Variants in JAK1 observed in about 807,000 individuals in gnomAD.
JAK1 encodes Janus kinase 1.
In JAK1, 16 loss-of-function variants were observed where a neutral mutation model predicts 136.6. That is an observed-to-expected ratio of 0.12 (90% CI 0.08 to 0.18). The LOEUF is 0.18. Among genes scored for constraint, JAK1 ranks in the 10% least tolerant of loss-of-function variants. The pLI is 1.00. For missense variants in JAK1, 859 were observed against 1,450.1 expected (o/e 0.59, Z 6.62); for synonymous variants, 492 against 519.5 (o/e 0.95, Z 0.72).
chr1:64,890,534 G>T (rs1419881682), intron 1 of JAK1, among the ~76,000 whole-genome samples: 1 of 152,158 alleles, frequency 6.6e-6, no homozygotes, highest in Non-Finnish European at 1.5e-5. Context: ...ATATCTTTCA[G>T]TGAGAAGTTG....
chr1:64,907,344 C>T (rs1255877572), intron 1 of JAK1, among the ~76,000 whole-genome samples: 1 of 152,166 alleles, frequency 6.6e-6, no homozygotes, highest in Non-Finnish European at 1.5e-5. Flanking sequence ...GAGAGAATAA[C>T]ATTGTTCTAG....
At chr1:65,036,022 T>G (rs1162663473) in intron 2 of JAK1, among the ~76,000 whole-genome samples, 3 of 152,028 alleles carry the variant, frequency 2.0e-5, no homozygotes, top group Non-Finnish European at 4.4e-5. Context: ...GAGCCGAGAT[T>G]GTGCCACTGT....
intron 5 of JAK1, among the ~76,000 whole-genome samples, chr1:64,872,233 T>C (rs1657114033): frequency 6.6e-6 from 1 of 152,172 alleles, no homozygotes; most frequent in South Asian, 2.1e-4. Flanking sequence ...TGCTGGTAAA[T>C]ACCCTACAAT....
chr1:65,057,103 C>T (rs534052924), intron 1 of JAK1, among the ~76,000 whole-genome samples: 1 of 152,226 alleles, frequency 6.6e-6, no homozygotes, highest in East Asian at 1.9e-4. Flanking sequence ...CTCCCAGATA[C>T]AGACATGAGC....
intron 1 of JAK1, among the ~76,000 whole-genome samples, chr1:64,912,127 T>A (rs2100286402): frequency 6.6e-6 from 1 of 152,336 alleles, no homozygotes; most frequent in South Asian, 2.1e-4. Context: ...GGGAGCTTTT[T>A]AAAAATATAT....
chr1:64,946,026 G>A (rs906128081), intron 1 of JAK1, among the ~76,000 whole-genome samples: 2 of 152,010 alleles, frequency 1.3e-5, no homozygotes, highest in South Asian at 2.1e-4. Context: ...CATGAGCCAC[G>A]GCACCCGGCC....
chr1:64,979,499 G>T (rs1186472797), intron 2 of JAK1: 1 of 152,200 alleles, frequency 6.6e-6, no homozygotes, highest in African/African-American at 2.4e-5. Context: ...GTGATACATA[G>T]AAATTATATA....
chr1:64,833,492 A>G lies in JAK1; in HGVS notation c.*1070T>C, dbSNP rs1194912185. 1 of 232,928 alleles carries G rather than the reference A, an allele frequency of 4.3e-6. No homozygotes were observed. The highest frequency in any genetic ancestry group is 2.2e-5 in the African/African-American group (1 of 45,328). 14.4% of individuals were successfully genotyped at this position (232,928 alleles called of 1,614,324 possible). A position where few individuals can be genotyped will look rare whatever the true frequency, so the allele number is the denominator to read the frequency against. On this transcript the variant is annotated 3_prime_UTR_variant, in exon 25 of 25. Transcript: ENST00000342505. ...GTTCACATTGAATCAATGACTAAAC[A>G]TTTTTGATTACCCAGCTACCTCCAA... is the stretch of plus-strand genomic sequence containing the variant.
At chr1:64,914,962 CTATT>C (rs1645367774) in intron 1 of JAK1, among the ~76,000 whole-genome samples, 1 of 152,166 alleles carries the variant, frequency 6.6e-6, no homozygotes, top group African/African-American at 2.4e-5. Context: ...AGGCACAACA[CTATT>C]TAATAAAAAA....
At chr1:64,986,168 C>T (rs948112916) in intron 2 of JAK1, 7 of 442,816 alleles carry the variant, frequency 1.6e-5, no homozygotes, top group South Asian at 4.2e-5. Context: ...TGCAGTGGGG[C>T]GATCTCAGCT....
At chr1:64,854,088 G>T (rs1353493389) in intron 11 of JAK1, among the ~76,000 whole-genome samples, 1 of 152,178 alleles carries the variant, frequency 6.6e-6, no homozygotes, top group Admixed American at 6.5e-5. Flanking sequence ...GTTATTCTCT[G>T]AGCCTGGCAG....
At chr1:65,003,318 G>A (rs1026843033) in intron 2 of JAK1, among the ~76,000 whole-genome samples, 2 of 152,118 alleles carry the variant, frequency 1.3e-5, no homozygotes, top group African/African-American at 4.8e-5. Context: ...TGGCCCGCCA[G>A]GTCTAGGTTG....
intron 9 of JAK1, 54 bp downstream of exon 9, chr1:64,860,051 T>C: frequency 7.2e-7 from 1 of 1,392,794 alleles, no homozygotes; most frequent in African/African-American, 1.4e-5. Flanking sequence ...GCCCCATCAC[T>C]AAAACACGGG....
At position 64,846,655 on chromosome 1, in the gene JAK1, C is replaced by T. The variant is rs760966244; in HGVS notation, c.1981G>A (p.Val661Met). ...TGAAAGAGAACACACTTACTCTCCACGTCGCGGACACAGACGCCATAGAGG... is the reference window on the plus strand; with the variant it reads ...TGAAAGAGAACACACTTACTCTCCATGTCGCGGACACAGACGCCATAGAGG... Reference protein sequence around the residue: ...VYLYGVCVRDVENIMVEEFVE... With the variant: ...VYLYGVCVRDMENIMVEEFVE... The change falls in exon 14 of 25, where the codon GTG becomes ATG. Residue 661 changes from valine to methionine, a missense_variant. This residue lies in a region of JAK1 where 409 missense variants were observed against 753.8 expected (regional missense o/e 0.54). Transcript: ENST00000342505. The T allele has an allele frequency of 3.1e-6, 5 of 1,613,142 alleles. No individual in the cohort carries two copies. The highest frequency in any genetic ancestry group is 1.3e-5 in the African/African-American group (1 of 74,890).
At chr1:64,885,558 C>T (rs1288384347) in intron 2 of JAK1, among the ~76,000 whole-genome samples, 2 of 151,994 alleles carry the variant, frequency 1.3e-5, no homozygotes, top group African/African-American at 2.4e-5. Context: ...TTGAGACCAG[C>T]CTGACCAACA....
chr1:64,910,303 T>C (rs28619444), intron 1 of JAK1, among the ~76,000 whole-genome samples: 1 of 152,022 alleles, frequency 6.6e-6, no homozygotes, highest in African/African-American at 2.4e-5. Flanking sequence ...ACATTAAGGA[T>C]GGGCTACGAA....
intron 2 of JAK1, among the ~76,000 whole-genome samples, chr1:64,986,628 C>T (rs367753232): frequency 2.6e-5 from 4 of 152,238 alleles, no homozygotes; most frequent in South Asian, 4.1e-4. Context: ...TGCAGTGGCT[C>T]ATGTCTGTAA....
intron 1 of JAK1, among the ~76,000 whole-genome samples, chr1:64,926,347 G>A (rs1281125997): frequency 6.6e-6 from 1 of 151,432 alleles, no homozygotes; most frequent in Non-Finnish European, 1.5e-5. Flanking sequence ...CATTTTTCCA[G>A]ACTCAACAGC....
intron 1 of JAK1, among the ~76,000 whole-genome samples, chr1:64,892,520 A>G (rs1644954331): frequency 6.6e-6 from 1 of 152,170 alleles, no homozygotes; most frequent in African/African-American, 2.4e-5. Context: ...CCTGGGCTCA[A>G]GCAATCCTCC....
Sources: allele counts gnomAD v4.1 joint callset (sites outside exome capture counted in the v4.1 genomes callset), GRCh38; gene constraint gnomAD v4.1.1; regional missense constraint gnomAD v4.1.1; transcripts MANE v1.5; gene names NCBI Gene and HGNC (gene_info 2026-07-23, HGNC 2026-07-21).